Variants in SEMA3D observed in about 807,000 individuals in gnomAD.
SEMA3D encodes semaphorin-3D.
Under a neutral mutation model 100.1 loss-of-function variants are expected in SEMA3D, and 84 were observed. That is an observed-to-expected ratio of 0.84 (90% confidence interval 0.70 to 1.01). The LOEUF (loss-of-function observed/expected upper bound fraction) is 1.01, where lower values mean the gene tolerates loss of function less well. Among genes scored for constraint, SEMA3D ranks in the 50% least tolerant of loss-of-function variants. The pLI, the probability that SEMA3D is intolerant of heterozygous loss-of-function variation, is 0.00. For synonymous variants in SEMA3D, 312 were observed against 320.7 expected (o/e 0.97, Z 0.29); for missense variants, 875 against 934.1 (o/e 0.94, Z 0.82).
intron 1 of SEMA3D, among the ~76,000 whole-genome samples, chr7:85,179,851 T>C (rs2429689): frequency 0.71 from 107,124 of 151,776 alleles, 39,436 homozygotes; most frequent in East Asian, 0.92. Context: ...TTAGTAGAGA[T>C]GGGGTTTCAC....
intron 4 of SEMA3D, among the ~76,000 whole-genome samples, chr7:85,082,680 T>C (rs1332079609): frequency 1.3e-5 from 2 of 152,218 alleles, no homozygotes; most frequent in African/African-American, 4.8e-5. Flanking sequence ...TTAGAAGTCA[T>C]CAATGTTTAT....
chr7:85,205,049 AT>A, the SEMA3D span, among the ~76,000 whole-genome samples: 4 of 152,016 alleles, frequency 2.6e-5, no homozygotes, highest in African/African-American at 7.2e-5. Context: ...TATTTTAAGC[AT>A]TTTTTTCACA....
At chr7:85,007,504 T>G (rs1416066904) in intron 17 of SEMA3D, among the ~76,000 whole-genome samples, 1 of 151,846 alleles carries the variant, frequency 6.6e-6, no homozygotes, top group Admixed American at 6.6e-5. Context: ...TTATCTGTAT[T>G]AATCTACCAT....
chr7:85,121,798 G>C lies in SEMA3D; in HGVS notation c.94C>G (p.Leu32Val), dbSNP rs1423829558. 4 of 1,609,202 alleles carry C rather than the reference G, an allele frequency of 2.5e-6. No homozygotes were observed. The African/African-American group carries it at 5.4e-5, about 22-fold the overall frequency. The change falls in exon 3 of 19, where the codon CTT becomes GTT. Residue 32 changes from leucine to valine, a missense_variant. Coordinates refer to ENST00000284136, the MANE Select transcript of SEMA3D (RefSeq NM_001384900.1). ...TGCTTCAAAGTGCCAGTGACTGGAA[G>C]AAACAACATGGTCATGCTTAGCATC... ...LMMLSMTMLF[L>V]PVTGTLKQNI...
At chr7:85,156,336 C>T (rs1562838530) in intron 1 of SEMA3D, among the ~76,000 whole-genome samples, 1 of 151,882 alleles carries the variant, frequency 6.6e-6, no homozygotes, top group Non-Finnish European at 1.5e-5. Flanking sequence ...CTCCTGAACT[C>T]ATGATCCACC....
upstream of SEMA3D, among the ~76,000 whole-genome samples, chr7:85,190,474 T>G (rs1025556241): frequency 6.6e-6 from 1 of 152,044 alleles, no homozygotes; most frequent in Non-Finnish European, 1.5e-5. Context: ...AACAAGTGAG[T>G]GCATGAGTTT....
chr7:85,024,964 T>G (rs911597625), intron 12 of SEMA3D, among the ~76,000 whole-genome samples: 12 of 151,902 alleles, frequency 7.9e-5, no homozygotes, highest in Non-Finnish European at 1.2e-4. Flanking sequence ...AAAGAGAAAG[T>G]GTAGGGAAAT....
chr7:85,169,780 AT>A lies in SEMA3D; in HGVS notation c.-172-16042del, dbSNP rs1366984041. On this transcript the variant is annotated intron_variant, in intron 1 of 18. Transcript: ENST00000284136. Reference sequence around the variant, plus strand: ...CAAAACTCTACTTACATTTTTTTTCATTTGCAGATACAAAACAACTATTGAT... The same window carrying A: ...CAAAACTCTACTTACATTTTTTTTCATTGCAGATACAAAACAACTATTGAT... Among the ~76,000 whole-genome samples, 4 of 151,664 alleles carry A rather than the reference AT, an allele frequency of 2.6e-5. No homozygotes were observed. In the East Asian group the frequency reaches 5.8e-4, roughly 22 times the overall value.
rs1238683991 is a variant in SEMA3D, at chr7:84,995,723, T to G, written c.*3717A>C. On this transcript the variant is annotated 3_prime_UTR_variant, in exon 19 of 19. Coordinates refer to ENST00000284136, the MANE Select transcript of SEMA3D (RefSeq NM_001384900.1). ...CTCACAATACCAGAATTAAATTACA[T>G]GATTAACTAGGGCATCTGACACATT... 1 of 152,062 alleles carries G rather than the reference T, an allele frequency of 6.6e-6. No homozygotes were observed. Among genetic ancestry groups the G allele is most frequent in the African/African-American group, 2.4e-5 (1 of 41,452 alleles). The allele number at this position is 152,062 out of a possible 1,614,324, so 9.4% of individuals were successfully genotyped here.
chr7:85,248,059 G>A, the SEMA3D span, among the ~76,000 whole-genome samples: 1 of 151,900 alleles, frequency 6.6e-6, no homozygotes, highest in Non-Finnish European at 1.5e-5. Context: ...GCCACAGACT[G>A]GACAAAATAT....
At chr7:85,028,447 G>A (rs1790453778) in intron 12 of SEMA3D, 1 of 404,534 alleles carries the variant, frequency 2.5e-6, no homozygotes, top group Non-Finnish European at 4.4e-6. Context: ...CCTGGGAGGT[G>A]GTGTTTTTGA....
At chr7:85,107,099 T>G (rs1235124121) in intron 3 of SEMA3D, among the ~76,000 whole-genome samples, 1 of 152,054 alleles carries the variant, frequency 6.6e-6, no homozygotes, top group Non-Finnish European at 1.5e-5. Context: ...TAAAATAATT[T>G]GCCAGAATAT....
chr7:85,035,371 T>C (rs1013411223), intron 12 of SEMA3D, among the ~76,000 whole-genome samples: 10 of 151,866 alleles, frequency 6.6e-5, no homozygotes, highest in African/African-American at 1.9e-4. Context: ...TGTATGTGTA[T>C]ATATATAAAA....
At chr7:85,176,513 C>T (rs1791230602) in intron 1 of SEMA3D, among the ~76,000 whole-genome samples, 2 of 152,032 alleles carry the variant, frequency 1.3e-5, no homozygotes, top group African/African-American at 2.4e-5. Context: ...CCCAGTATAA[C>T]ACAAATTCAG....
At chr7:85,225,567 G>T in the SEMA3D span, among the ~76,000 whole-genome samples, 3 of 152,196 alleles carry the variant, frequency 2.0e-5, no homozygotes, top group African/African-American at 4.8e-5. Context: ...AAGGTTAAAA[G>T]ATTTTCTAGA....
At chr7:85,131,999 G>A (rs1231608054) in intron 2 of SEMA3D, among the ~76,000 whole-genome samples, 1 of 151,626 alleles carries the variant, frequency 6.6e-6, no homozygotes, top group East Asian at 1.9e-4. Context: ...GACCATTTTT[G>A]AACATATGTC....
chr7:85,044,590 A>C (rs746472507), intron 9 of SEMA3D, among the ~76,000 whole-genome samples: 10 of 152,104 alleles, frequency 6.6e-5, no homozygotes, highest in Non-Finnish European at 1.0e-4. Context: ...CCTAGTTTGC[A>C]CTATGTCTCA....
intron 6 of SEMA3D, among the ~76,000 whole-genome samples, chr7:85,071,007 T>G (rs1007206041): frequency 6.6e-6 from 1 of 152,170 alleles, no homozygotes; most frequent in Non-Finnish European, 1.5e-5. Context: ...TTGGAACTGC[T>G]GAGCTCTGGT....
At chr7:85,123,187 C>T (rs1387386543) in intron 2 of SEMA3D, among the ~76,000 whole-genome samples, 1 of 152,042 alleles carries the variant, frequency 6.6e-6, no homozygotes, top group African/African-American at 2.4e-5. Context: ...TTCTTCACAC[C>T]TAAGTCTTCC....
Sources: allele counts gnomAD v4.1 joint callset (sites outside exome capture counted in the v4.1 genomes callset), GRCh38; gene constraint gnomAD v4.1.1; transcripts MANE v1.5; gene names NCBI Gene and HGNC (gene_info 2026-07-23, HGNC 2026-07-21).